Variants in MEMO1 observed in about 807,000 individuals in gnomAD.
MEMO1 encodes protein MEMO1.
Under a neutral mutation model 45.2 loss-of-function variants are expected in MEMO1, and 6 were observed. The ratio of observed to expected loss-of-function variants is 0.13; its 90% CI spans 0.07 to 0.26. MEMO1 has a LOEUF of 0.26. MEMO1 is among the 10% of genes least tolerant of loss of function. The pLI is 1.00. For synonymous variants in MEMO1, 78 were observed against 124.3 expected (o/e 0.63, Z 2.48); for missense variants, 184 against 370.5 (o/e 0.50, Z 4.13).
chr2:32,006,833 C>G (rs190813229), intron 2 of MEMO1, among the ~76,000 whole-genome samples: 1 of 151,872 alleles, frequency 6.6e-6, no homozygotes, highest in Non-Finnish European at 1.5e-5. Flanking sequence ...GGCATGGTGG[C>G]GGGGGCCTGC....
intron 2 of MEMO1, among the ~76,000 whole-genome samples, chr2:31,973,946 T>C (rs888536191): frequency 3.0e-4 from 46 of 152,204 alleles, no homozygotes; most frequent in South Asian, 6.2e-4. Context: ...CACATTATAA[T>C]TGCTAATTTG....
intron 7 of MEMO1, among the ~76,000 whole-genome samples, chr2:31,888,208 G>T (rs1365028614): frequency 2.0e-5 from 3 of 151,918 alleles, no homozygotes; most frequent in Non-Finnish European, 4.4e-5. Context: ...TAGAGATGAG[G>T]TCTCACTTGT....
chr2:31,907,641 A>C (rs1679954850), intron 6 of MEMO1, among the ~76,000 whole-genome samples: 1 of 152,096 alleles, frequency 6.6e-6, no homozygotes, highest in African/African-American at 2.4e-5. Flanking sequence ...AAAAATACAA[A>C]AATTAGCCAG....
intron 2 of MEMO1, among the ~76,000 whole-genome samples, chr2:31,964,492 T>C (rs1260232583): frequency 1.3e-5 from 2 of 151,026 alleles, no homozygotes; most frequent in Non-Finnish European, 3.0e-5. Context: ...AGGTCAGGAG[T>C]TCGAGATCAG....
At chr2:31,990,329 T>A (rs1478422734) in intron 2 of MEMO1, among the ~76,000 whole-genome samples, 1 of 152,224 alleles carries the variant, frequency 6.6e-6, no homozygotes, top group East Asian at 1.9e-4. Flanking sequence ...TTCCGAAAGA[T>A]AGTTATTTTC....
chr2:31,943,619 G>A (rs1050505986), intron 2 of MEMO1, among the ~76,000 whole-genome samples: 1 of 152,120 alleles, frequency 6.6e-6, no homozygotes, highest in Admixed American at 6.5e-5. Flanking sequence ...CTTATTTACA[G>A]CTGTCTTCAT....
intron 5 of MEMO1, among the ~76,000 whole-genome samples, chr2:31,920,257 T>C (rs1175392183): frequency 1.3e-5 from 2 of 152,094 alleles, no homozygotes; most frequent in African/African-American, 2.4e-5. Context: ...AACGTGACTC[T>C]GGACGCCTAT....
chr2:31,884,237 A>G (rs988803360), intron 7 of MEMO1, among the ~76,000 whole-genome samples: 1 of 152,208 alleles, frequency 6.6e-6, no homozygotes, highest in Admixed American at 6.5e-5. Flanking sequence ...TAGTTACATG[A>G]AAATCAAGTT....
At chr2:31,945,476 G>C (rs1666083532) in intron 2 of MEMO1, among the ~76,000 whole-genome samples, 1 of 152,118 alleles carries the variant, frequency 6.6e-6, no homozygotes, top group African/African-American at 2.4e-5. Flanking sequence ...TCAGTATACA[G>C]GCAAATTAAA....
chr2:31,994,494 G>C (rs1672329160), intron 2 of MEMO1, among the ~76,000 whole-genome samples: 1 of 151,676 alleles, frequency 6.6e-6, no homozygotes, highest in African/African-American at 2.4e-5. Context: ...GCCAGGCGTG[G>C]TGGTGCGTGT....
intron 4 of MEMO1, among the ~76,000 whole-genome samples, chr2:31,930,554 G>A (rs1410136276): frequency 6.6e-6 from 1 of 152,200 alleles, no homozygotes; most frequent in African/African-American, 2.4e-5. Flanking sequence ...CTGCCAAATA[G>A]AGGAAGGTTT....
intron 2 of MEMO1, among the ~76,000 whole-genome samples, chr2:31,995,312 T>A (rs1293690549): frequency 6.6e-6 from 1 of 151,460 alleles, no homozygotes; most frequent in African/African-American, 2.4e-5. Context: ...ATTAGCCGGG[T>A]GAGGTGGTGG....
At chr2:32,005,791 AG>A (rs1673995091) in intron 2 of MEMO1, among the ~76,000 whole-genome samples, 1 of 152,192 alleles carries the variant, frequency 6.6e-6, no homozygotes, top group African/African-American at 2.4e-5. Flanking sequence ...ATACTTATTG[AG>A]CATCTACTAT....
At chr2:32,008,281 A>G (rs573879448) in intron 2 of MEMO1, among the ~76,000 whole-genome samples, 70 of 152,356 alleles carry the variant, frequency 4.6e-4, no homozygotes, top group African/African-American at 1.6e-3. Context: ...AACTACAACG[A>G]AAGTTTAAAA....
At chr2:31,957,262 T>A (rs1381040915) in intron 2 of MEMO1, among the ~76,000 whole-genome samples, 1 of 152,092 alleles carries the variant, frequency 6.6e-6, no homozygotes, top group African/African-American at 2.4e-5. Flanking sequence ...ACTACGTACA[T>A]GTATTATCTA....
intron 2 of MEMO1, among the ~76,000 whole-genome samples, chr2:31,944,182 T>G (rs1015087076): frequency 6.6e-6 from 1 of 152,144 alleles, no homozygotes; most frequent in Non-Finnish European, 1.5e-5. Context: ...AATACAACCA[T>G]ATAAACTTTA....
At chr2:31,986,851 A>C (rs966455797) in intron 2 of MEMO1, among the ~76,000 whole-genome samples, 5 of 152,242 alleles carry the variant, frequency 3.3e-5, no homozygotes, top group African/African-American at 9.6e-5. Flanking sequence ...GGCACCTTTA[A>C]GTACGCGACA....
intron 2 of MEMO1, among the ~76,000 whole-genome samples, chr2:31,963,774 C>T (rs1668294421): frequency 6.6e-6 from 1 of 152,134 alleles, no homozygotes; most frequent in African/African-American, 2.4e-5. Context: ...AAACAAAAAG[C>T]CTGACTGATC....
chr2:31,973,371 T>C (rs1216115736), intron 2 of MEMO1, among the ~76,000 whole-genome samples: 1 of 151,918 alleles, frequency 6.6e-6, no homozygotes, highest in Non-Finnish European at 1.5e-5. Flanking sequence ...GGAGAATTGC[T>C]TGAACCCAGG....
Sources: allele counts gnomAD v4.1 joint callset (sites outside exome capture counted in the v4.1 genomes callset), GRCh38; gene constraint gnomAD v4.1.1; transcripts MANE v1.5; gene names NCBI Gene and HGNC (gene_info 2026-07-23, HGNC 2026-07-21).